LCTL: variants seen among roughly 807,000 people sequenced by gnomAD.
The protein encoded by LCTL is lactase-like protein.
Under a neutral mutation model 75.8 loss-of-function variants are expected in LCTL, and 76 were observed. The ratio of observed to expected loss-of-function variants is 1.00; its 90% CI spans 0.83 to 1.21. The LOEUF is 1.21. Among genes scored for constraint, LCTL ranks in the 50% most tolerant of loss-of-function variants. The probability of loss-of-function intolerance (pLI) is 0.00; values close to 1 mark genes in which losing one functional copy is unlikely to be tolerated. For synonymous variants in LCTL, 271 were observed against 268.8 expected (o/e 1.01, Z -0.08); for missense variants, 670 against 712.4 (o/e 0.94, Z 0.68).
rs753733040 is a variant in LCTL, at chr15:66,551,791, T to C, written c.1395A>G (p.Lys465=). Residue 465 remains lysine, a synonymous_variant, in exon 11 of 13, where the codon AAA becomes AAG. Coordinates refer to ENST00000341509, the Ensembl canonical transcript of LCTL. ...AGAATCCATATCTATCTGAGTATCCTTTCTCCCATTCAAACTTATCCAACA... is the reference window on the plus strand; with the variant it reads ...AGAATCCATATCTATCTGAGTATCCCTTCTCCCATTCAAACTTATCCAACA... The C allele has an allele frequency of 2.8e-5, 45 of 1,613,790 alleles. No individual in the cohort carries two copies. In the Middle Eastern group the frequency reaches 4.9e-4, roughly 18 times the overall value.
exon 8 of LCTL, chr15:66,557,869 A>T: frequency 6.2e-7 from 1 of 1,614,090 alleles, no homozygotes; most frequent in Non-Finnish European, 8.5e-7. Context: ...CAGTTCAATG[A>T]AATTCCCACC....
At chr15:66,551,855 T>G (rs759874565) in exon 11 of LCTL, 21 of 1,608,560 alleles carry the variant, frequency 1.3e-5, no homozygotes, top group Non-Finnish European at 1.8e-5. Flanking sequence ...AGCACCATCT[T>G]TTATAGCTGC....
Position 66,551,797 on chromosome 15 carries a change from CCATT to C in LCTL, c.1385_1388del (p.Glu462GlyfsTer71). The C allele has an allele frequency of 6.2e-7, 1 of 1,613,816 alleles. No homozygotes were observed. The highest frequency in any genetic ancestry group is 1.1e-5 in the South Asian group (1 of 91,078). On this transcript the variant is annotated frameshift_variant, in exon 11 of 13. Transcript: ENST00000341509. LOFTEE classifies it high-confidence loss of function. Reference sequence around the variant, plus strand: ...CATATCTATCTGAGTATCCTTTCTCCCATTCAAACTTATCCAACAGAGACCAGGA... The same window carrying C: ...CATATCTATCTGAGTATCCTTTCTCCCAAACTTATCCAACAGAGACCAGGA...
At chr15:66,564,677 T>C in exon 2 of LCTL, 2 of 1,611,712 alleles carry the variant, frequency 1.2e-6, no homozygotes, top group South Asian at 1.1e-5. Context: ...CGCACTCACC[T>C]GGACCTTGTA....
exon 13 of LCTL, chr15:66,547,823 G>A (rs1286430356): frequency 6.6e-6 from 1 of 152,126 alleles, no homozygotes; most frequent in Non-Finnish European, 1.5e-5. Flanking sequence ...GTCTTTCTCT[G>A]TTGCACAGGC....
At chr15:66,558,919 C>T (rs948130348) in intron 6 of LCTL, among the ~76,000 whole-genome samples, 1 of 151,752 alleles carries the variant, frequency 6.6e-6, no homozygotes, top group Admixed American at 6.6e-5. Context: ...TGATCTCGAA[C>T]TCCAGACCTC....
intron 8 of LCTL, among the ~76,000 whole-genome samples, chr15:66,555,541 A>C (rs1895720565): frequency 6.6e-6 from 1 of 152,130 alleles, no homozygotes; most frequent in South Asian, 2.1e-4. Flanking sequence ...ACTCTGTCTC[A>C]AAAATAAAAA....
At chr15:66,549,378 C>T (rs562153125) in intron 12 of LCTL, 2 of 152,234 alleles carry the variant, frequency 1.3e-5, no homozygotes, top group Middle Eastern at 3.4e-3. Flanking sequence ...GATTTGGTCT[C>T]GCACCTTCCA....
chr15:66,552,050 C>G lies in LCTL; in HGVS notation c.1317G>C (p.Met439Ile), dbSNP rs746387622. 1.8e-4 allele frequency: 284 copies of G among 1,609,682 alleles called. No individual in the cohort carries two copies. In the South Asian group the frequency reaches 3.0e-3, roughly 17 times the overall value. ...TCTTGGTTTGTGTCTCACCTTTTAG[C>G]ATTTCATTTATGTATCCTTTAAGGT... The change falls in exon 10 of 13, where the codon ATG becomes ATC. Residue 439 changes from methionine (M) to isoleucine (I), a missense_variant. By Grantham distance (10) the Met-to-Ile change is conservative. Transcript: ENST00000341509.
At chr15:66,565,590 C>T, upstream of LCTL, 4 of 515,690 alleles carry the variant, frequency 7.8e-6, no homozygotes, top group Non-Finnish European at 1.3e-5. Flanking sequence ...CAAACTATCC[C>T]TTCTCCCTAC....
chr15:66,558,096 T>C, intron 6 of LCTL, 60 bp from the exon 8 acceptor site: 1 of 1,450,032 alleles, frequency 6.9e-7, no homozygotes, highest in Non-Finnish European at 9.4e-7. Context: ...TCCCTTTCAA[T>C]CTGAGTGGCC....
exon 13 of LCTL, chr15:66,548,431 G>A (rs969791910): frequency 2.3e-6 from 2 of 888,128 alleles, no homozygotes; most frequent in Non-Finnish European, 3.6e-6. Context: ...CCTCAAAGCA[G>A]AAAAGGGAGG....
exon 9 of LCTL, chr15:66,553,009 A>T: frequency 1.4e-6 from 2 of 1,476,564 alleles, no homozygotes; most frequent in Non-Finnish European, 1.8e-6. Context: ...GAGCCTCCTA[A>T]ATCCCCATGG....
chr15:66,557,842 C>A, exon 8 of LCTL: 1 of 1,614,132 alleles, frequency 6.2e-7, no homozygotes, highest in Non-Finnish European at 8.5e-7. Context: ...CTAATGTCCA[C>A]AGGTTCCCCC....
chr15:66,560,709 C>G (rs1208085639), intron 6 of LCTL, among the ~76,000 whole-genome samples: 5 of 152,184 alleles, frequency 3.3e-5, no homozygotes, highest in Non-Finnish European at 5.9e-5. Context: ...CCCTGGCTCG[C>G]TGTCACACCC....
rs147349670 is a variant in LCTL, at chr15:66,558,557, C to A, written c.706-521G>T. Among the ~76,000 whole-genome samples, 480 of 152,226 alleles carry A rather than the reference C, an allele frequency of 3.2e-3. 4 individuals carry two copies. The highest frequency in any genetic ancestry group is 0.011 in the African/African-American group (463 of 41,524). On this transcript the variant is annotated intron_variant, in intron 6 of 12. Transcript: ENST00000341509. ...ACAGTGATTATCGGTGTGTGATCTC[C>A]AGACCAAGGTCATCAGGATCCACTG... is the stretch of plus-strand genomic sequence containing the variant.
chr15:66,550,015 G>A, intron 12 of LCTL, 26 bp downstream of exon 13: 2 of 1,504,284 alleles, frequency 1.3e-6, no homozygotes, highest in Non-Finnish European at 1.8e-6. Context: ...ATTATTAAAG[G>A]AAAACATTGA....
intron 6 of LCTL, among the ~76,000 whole-genome samples, chr15:66,559,725 G>A (rs761005982): frequency 1.3e-5 from 2 of 151,896 alleles, no homozygotes; most frequent in Non-Finnish European, 2.9e-5. Flanking sequence ...ATAAATAATC[G>A]CGTCTCTTCA....
At position 66,564,406 on chromosome 15, in the gene LCTL, C is replaced by T. The variant is rs1458279512; in HGVS notation, c.282+270G>A. On this transcript the variant is annotated intron_variant, in intron 2 of 12. Transcript: ENST00000341509. ...AGGCTGTGGGATCAGCCCTTCAGCT[C>T]CCCCTTCACTTGGCCTGAGGCACTG... 6 of 490,574 alleles carry T rather than the reference C, an allele frequency of 1.2e-5. No homozygotes were observed. The East Asian group carries it at 1.8e-4, about 15-fold the overall frequency. 30.4% of individuals were successfully genotyped at this position (490,574 alleles called of 1,614,324 possible).
Sources: allele counts gnomAD v4.1 joint callset (sites outside exome capture counted in the v4.1 genomes callset), GRCh38; gene constraint gnomAD v4.1.1; transcripts MANE v1.5; gene names NCBI Gene and HGNC (gene_info 2026-07-23, HGNC 2026-07-21).